DDX19A: variants seen among roughly 807,000 people sequenced by gnomAD.
DDX19A encodes DEAD-box helicase 19A.
In DDX19A, 12 loss-of-function variants were observed where a neutral mutation model predicts 60.6. That is an observed-to-expected ratio of 0.20 (90% CI 0.13 to 0.32). The LOEUF (loss-of-function observed/expected upper bound fraction) is 0.32, where lower values mean the gene tolerates loss of function less well. Among genes scored for constraint, DDX19A ranks in the 10% least tolerant of loss-of-function variants. The pLI is 1.00. For missense variants in DDX19A, 337 were observed against 600.6 expected (o/e 0.56, Z 4.59); for synonymous variants, 206 against 218.2 (o/e 0.94, Z 0.49).
intron 4 of DDX19A, among the ~76,000 whole-genome samples, chr16:70,359,205 G>T (rs1597530924): frequency 6.6e-6 from 1 of 152,182 alleles, no homozygotes; most frequent in East Asian, 1.9e-4. Context: ...AAAGAAAACT[G>T]AGTCAGTGGA....
intron 10 of DDX19A, chr16:70,371,001 TAAAAA>T (rs781753370): frequency 9.4e-6 from 3 of 318,866 alleles, no homozygotes; most frequent in African/African-American, 4.3e-5. Flanking sequence ...GTCTCAAAAA[TAAAAA>T]AAGAAAGAAA....
Position 70,372,303 on chromosome 16 carries a change from C to T in DDX19A, c.*317C>T, listed in dbSNP as rs969794523. ...CCCCCTCCTGATTTTGGCTAGGCAT[C>T]GTGGAACCAGCTCCAGCCCCTGAAG... is the stretch of plus-strand genomic sequence containing the variant. On this transcript the variant is annotated 3_prime_UTR_variant, in exon 12 of 12. Coordinates refer to ENST00000302243, the MANE Select transcript of DDX19A (RefSeq NM_018332.5). 16 of 450,788 alleles carry T rather than the reference C, an allele frequency of 3.5e-5. No homozygotes were observed. Among genetic ancestry groups the T allele is most frequent in the Non-Finnish European group, 4.8e-5 (12 of 248,010 alleles). The allele number at this position is 450,788 out of a possible 1,614,324, so 27.9% of individuals were successfully genotyped here.
chr16:70,360,366 C>G (rs920828270), intron 4 of DDX19A, among the ~76,000 whole-genome samples: 3 of 149,472 alleles, frequency 2.0e-5, no homozygotes, highest in Non-Finnish European at 4.4e-5. Flanking sequence ...TGTTGCCCAG[C>G]CCAGAGTGCA....
intron 4 of DDX19A, chr16:70,360,841 T>G (rs1964343519): frequency 6.4e-6 from 1 of 155,270 alleles, no homozygotes; most frequent in Admixed American, 6.5e-5. Context: ...AGCCTTGACC[T>G]CCTGAGCTCA....
intron 7 of DDX19A, chr16:70,365,752 T>G: frequency 2.6e-6 from 1 of 378,704 alleles, no homozygotes; most frequent in Non-Finnish European, 5.0e-6. Context: ...CGCACTCTAG[T>G]CTGGGCAACA....
chr16:70,349,680 G>A (rs1963954495), intron 1 of DDX19A, among the ~76,000 whole-genome samples: 2 of 152,210 alleles, frequency 1.3e-5, no homozygotes, highest in South Asian at 4.1e-4. Flanking sequence ...TCAAGGGCAT[G>A]GTCCTTGCAC....
At chr16:70,361,542 G>A (rs1964363851) in intron 5 of DDX19A, 32 bp downstream of exon 5, 2 of 1,550,526 alleles carry the variant, frequency 1.3e-6, no homozygotes, top group African/African-American at 1.4e-5. Context: ...ATCTCACCCA[G>A]TGTGATTAGA....
rs1387824041 is a variant in DDX19A, at chr16:70,371,438, C to T, written c.1250C>T (p.Pro417Leu). 6.2e-7 allele frequency: 1 copy of T among 1,613,062 alleles called. No homozygotes were observed. Among genetic ancestry groups the T allele is most frequent in the Non-Finnish European group, 8.5e-7 (1 of 1,179,716 alleles). Residue 417 changes from proline (P) to leucine (L), a missense_variant, in exon 11 of 12, where the codon CCT becomes CTT. Coordinates refer to ENST00000302243, the MANE Select transcript of DDX19A (RefSeq NM_018332.5). ...CTTCCCGTGGACAAGGACGGGAATC[C>T]TGACAATGAGACCTACCTGCACCGG... Reference protein sequence around the residue: ...FDLPVDKDGNPDNETYLHRIG... With the variant: ...FDLPVDKDGNLDNETYLHRIG...
intron 3 of DDX19A, 172 bp from the exon 4 acceptor site, chr16:70,355,940 T>C: frequency 9.9e-6 from 8 of 809,766 alleles, no homozygotes; most frequent in Non-Finnish European, 1.5e-5. Context: ...CCAGCCTGGG[T>C]GACAGCAAGA....
At chr16:70,364,499 A>C in intron 5 of DDX19A, 44 bp from the exon 6 acceptor site, 2 of 1,426,838 alleles carry the variant, frequency 1.4e-6, no homozygotes, top group Non-Finnish European at 2.0e-6. Context: ...CATGTTACTG[A>C]GTTTCACCAA....
intron 4 of DDX19A, among the ~76,000 whole-genome samples, chr16:70,357,078 CT>C (rs1030089912): frequency 6.6e-6 from 1 of 150,916 alleles, no homozygotes; most frequent in Non-Finnish European, 1.5e-5. Context: ...GAAACCCTGT[CT>C]CCACTAAAAA....
intron 2 of DDX19A, 58 bp from the exon 3 acceptor site, chr16:70,355,427 C>T (rs998072713): frequency 2.4e-5 from 29 of 1,185,352 alleles, no homozygotes; most frequent in Non-Finnish European, 3.3e-5. Flanking sequence ...TATTGTCCCA[C>T]ATTTTTGGTG....
chr16:70,362,729 C>T lies in DDX19A; in HGVS notation c.386+1219C>T, dbSNP rs147525586. On this transcript the variant is annotated intron_variant, in intron 5 of 11. Transcript: ENST00000302243. The stretch of plus-strand genomic sequence containing the variant: ...AGTAGCTGGGACTATAGGCATGTGC[C>T]ACCATGCCCAGCTGACTTTAAAAAA... Among the ~76,000 whole-genome samples the T allele has an allele frequency of 3.1e-3, 466 of 152,158 alleles. 7 individuals are homozygous for T. The highest frequency in any genetic ancestry group is 5.5e-3 in the Non-Finnish European group (374 of 67,986).
At chr16:70,354,741 G>A (rs1275743268) in intron 2 of DDX19A, among the ~76,000 whole-genome samples, 1 of 152,154 alleles carries the variant, frequency 6.6e-6, no homozygotes, top group East Asian at 1.9e-4. Context: ...CCAGGAATTT[G>A]AGAACAGGCT....
chr16:70,372,068 T>A lies in DDX19A; in HGVS notation c.*82T>A. ...TGCATTTAGGGCACAGGCCCCGACA[T>A]CACCCCAAGGACAACGGCAGAAGTA... On this transcript the variant is annotated 3_prime_UTR_variant, in exon 12 of 12. Coordinates refer to ENST00000302243, the MANE Select transcript of DDX19A (RefSeq NM_018332.5). 1 of 1,605,226 alleles carries A rather than the reference T, an allele frequency of 6.2e-7. No homozygotes were observed. Among genetic ancestry groups the A allele is most frequent in the Non-Finnish European group, 8.5e-7 (1 of 1,172,252 alleles).
intron 1 of DDX19A, 78 bp from the exon 2 acceptor site, chr16:70,350,453 TGAAAGTTTCACACTAGACTTTTACTA>T: frequency 1.3e-6 from 1 of 747,750 alleles, no homozygotes; most frequent in Non-Finnish European, 2.2e-6. Context: ...ATACTGGTGC[TGAAAGTTTCACACTAGACTTTTACTA>T]GAAAGTTTTT....
In DDX19A at chr16:70,355,651, T is replaced by G; in HGVS notation, c.157+116T>G. Reference sequence around the variant, plus strand: ...GAGATGAGAGGAATCAGAGAAGGAATAGTCAGTGAGAGGAGGAGAACAAAA... The same window carrying G: ...GAGATGAGAGGAATCAGAGAAGGAAGAGTCAGTGAGAGGAGGAGAACAAAA... On this transcript the variant is annotated intron_variant, in intron 3 of 11. Transcript: ENST00000302243. 5.9e-6 allele frequency: 5 copies of G among 846,000 alleles called. No individual in the cohort carries two copies. The South Asian group carries it at 7.0e-5, about 12-fold the overall frequency. The allele number at this position is 846,000 out of a possible 1,614,324, so 52.4% of individuals were successfully genotyped here. A position where few individuals can be genotyped will look rare whatever the true frequency, so the allele number is the denominator to read the frequency against.
At position 70,366,555 on chromosome 16, in the gene DDX19A, C is replaced by T. The variant is rs995372878; in HGVS notation, c.783-69C>T. The T allele has an allele frequency of 5.8e-5, 92 of 1,592,586 alleles. No individual in the cohort carries two copies. In the African/African-American group the frequency reaches 1.1e-3, roughly 19 times the overall value. On this transcript the variant is annotated intron_variant, in intron 8 of 11. Transcript: ENST00000302243. Reference sequence around the variant, plus strand: ...TTCCTGGGCATCTAGACCCTCCCAGCTGGGGAGGCTGTGCTTCCGTTGCTT... The same window carrying T: ...TTCCTGGGCATCTAGACCCTCCCAGTTGGGGAGGCTGTGCTTCCGTTGCTT...
At position 70,357,366 on chromosome 16, in the gene DDX19A, GTTTTTTTTTTTTTTTTTTTTT is replaced by G. The variant is rs71151183; in HGVS notation, c.293+1135_293+1155del. Among the ~76,000 whole-genome samples the G allele has an allele frequency of 2.0e-3, 90 of 44,582 alleles. 1 individual carries two copies. Among genetic ancestry groups the G allele is most frequent in the South Asian group, 9.9e-4 (1 of 1,014 alleles). 29.2% of individuals were successfully genotyped at this position (44,582 alleles called of 152,430 possible). ...AATCTGTCAAATCTGTTTTTGGTTTGTTTTTTTTTTTTTTTTTTTTTTTTTTTTTTTTTTTTGAGACCAAGT... is the reference window on the plus strand; with the variant it reads ...AATCTGTCAAATCTGTTTTTGGTTTGTTTTTTTTTTTTTTTGAGACCAAGT... On this transcript the variant is annotated intron_variant, in intron 4 of 11. Coordinates refer to ENST00000302243, the MANE Select transcript of DDX19A (RefSeq NM_018332.5).
Sources: gnomAD v4.1 joint callset for allele counts (sites outside exome capture counted in the v4.1 genomes callset) on GRCh38, gnomAD v4.1.1 for gene constraint, MANE v1.5 for transcripts, NCBI Gene and HGNC (gene_info 2026-07-23, HGNC 2026-07-21) for gene names.